RSRC1: variants seen among roughly 807,000 people sequenced by gnomAD.
RSRC1 encodes the protein arginine and serine rich coiled-coil 1, also known as serine/Arginine-related protein 53.
Under a neutral mutation model 49.1 loss-of-function variants are expected in RSRC1, and 39 were observed. That is an observed-to-expected ratio of 0.79 (90% confidence interval 0.61 to 1.04). The LOEUF (loss-of-function observed/expected upper bound fraction) is 1.04. Among genes scored for constraint, RSRC1 ranks in the 50% least tolerant of loss-of-function variants. RSRC1 has a pLI of 0.00. For synonymous variants in RSRC1, 143 were observed against 130.8 expected, an observed-to-expected ratio of 1.09 and a Z score of -0.63; for missense variants, 388 against 402.4, an observed-to-expected ratio of 0.96 and a Z score of 0.31.
rs12630443 is a variant in RSRC1 at position 158,385,809 on chromosome 3, T to C, written c.583+30901T>C. Among the ~76,000 whole-genome samples, 3 of 152,270 alleles carry C rather than the reference T, an allele frequency of 2.0e-5. No individual in the cohort carries two copies. The East Asian group carries it at 5.8e-4, about 29-fold the overall frequency. The stretch of plus-strand genomic sequence containing the variant: ...TTCATTCACGAACACCTGATATCTT[T>C]CCCATAAACAAATTGTGTTTGTCCA... On this transcript the variant is annotated intron_variant, in intron 6 of 9. Coordinates refer to ENST00000611884, the MANE Select transcript of RSRC1 (RefSeq NM_001271838.2).
chr3:158,204,608 A>G (rs1721248719), intron 4 of RSRC1, among the ~76,000 whole-genome samples: 1 of 152,210 alleles, frequency 6.6e-6, no homozygotes, highest in Admixed American at 6.5e-5. Context: ...CAGTAGGATG[A>G]TAAATTCGAA....
At chr3:158,183,820 G>T (rs1348452182) in intron 3 of RSRC1, among the ~76,000 whole-genome samples, 2 of 152,026 alleles carry the variant, frequency 1.3e-5, no homozygotes, top group African/African-American at 4.8e-5. Context: ...GGGGGCTGAT[G>T]GGGGAGGATT....
intron 3 of RSRC1, among the ~76,000 whole-genome samples, chr3:158,164,547 C>G (rs572130214): frequency 2.7e-5 from 4 of 150,696 alleles, no homozygotes; most frequent in African/African-American, 9.7e-5. Flanking sequence ...TGTTTTTTTT[C>G]TTTGTTTAAG....
chr3:158,222,091 ATAG>A (rs1414003935), intron 4 of RSRC1, among the ~76,000 whole-genome samples: 1 of 151,116 alleles, frequency 6.6e-6, no homozygotes, highest in Non-Finnish European at 1.5e-5. Flanking sequence ...ATTGTAAATA[ATAG>A]TAAGAGGGGC....
At position 158,123,957 on chromosome 3, in the gene RSRC1, G is replaced by A; in HGVS notation, c.286G>A (p.Val96Ile). ...RSRGRGKSYRVQRSRSKSRTR... is the reference protein window; with the variant it reads ...RSRGRGKSYRIQRSRSKSRTR... ...AAGGGGTCGAGGGAAATCCTATAGAGTTCAGAGGTCTAGGTCAAAAAGCAG... is the reference window on the plus strand; with the variant it reads ...AAGGGGTCGAGGGAAATCCTATAGAATTCAGAGGTCTAGGTCAAAAAGCAG... Residue 96 changes from valine (V) to isoleucine (I), a missense_variant, in exon 3 of 10, where the codon GTT becomes ATT. Transcript: ENST00000611884. 6.2e-7 allele frequency: 1 copy of A among 1,610,046 alleles called. No homozygotes were observed. Among genetic ancestry groups the A allele is most frequent in the Non-Finnish European group, 8.5e-7 (1 of 1,177,674 alleles).
intron 4 of RSRC1, among the ~76,000 whole-genome samples, chr3:158,291,000 C>T (rs1259890930): frequency 6.6e-6 from 1 of 152,110 alleles, no homozygotes; most frequent in Non-Finnish European, 1.5e-5. Context: ...TCAAGACCAA[C>T]TTGGACAACA....
At chr3:158,430,072 C>CAAAA (rs145414836) in intron 6 of RSRC1, among the ~76,000 whole-genome samples, 2 of 129,872 alleles carry the variant, frequency 1.5e-5, no homozygotes, top group African/African-American at 5.7e-5. Context: ...ACCACACACA[C>CAAAA]AAAAAAAATA....
intron 4 of RSRC1, among the ~76,000 whole-genome samples, chr3:158,242,560 A>G (rs1203320264): frequency 6.6e-6 from 1 of 152,174 alleles, no homozygotes; most frequent in African/African-American, 2.4e-5. Context: ...CTTTGGGTAT[A>G]TACCTAGTAA....
chr3:158,294,662 T>C (rs1727135815), intron 4 of RSRC1, among the ~76,000 whole-genome samples: 1 of 152,070 alleles, frequency 6.6e-6, no homozygotes, highest in African/African-American at 2.4e-5. Context: ...AGTGTTCTAG[T>C]TTAGCCTCAA....
intron 6 of RSRC1, among the ~76,000 whole-genome samples, chr3:158,446,321 TGA>T (rs1736713468): frequency 6.6e-6 from 1 of 151,624 alleles, no homozygotes; most frequent in South Asian, 2.1e-4. Context: ...AGAATTGAAA[TGA>T]GAGAAATTTC....
intron 6 of RSRC1, among the ~76,000 whole-genome samples, chr3:158,416,543 G>A (rs1734745464): frequency 6.6e-6 from 1 of 152,002 alleles, no homozygotes; most frequent in Non-Finnish European, 1.5e-5. Context: ...CCAACTGACA[G>A]CCAACAGCAA....
chr3:158,195,837 G>A lies in RSRC1; in HGVS notation c.321-7235G>A, dbSNP rs563271357. Among the ~76,000 whole-genome samples, 24 of 152,140 alleles carry A rather than the reference G, an allele frequency of 1.6e-4. No homozygotes were observed. In the East Asian group the frequency reaches 4.4e-3, roughly 28 times the overall value. On this transcript the variant is annotated intron_variant, in intron 3 of 9. Coordinates refer to ENST00000611884, the MANE Select transcript of RSRC1 (RefSeq NM_001271838.2). ...ATGTGGCATTATTTCTGAGGGCTCT[G>A]TTCTGTTCCATTGATCTATATCTCT...
intron 4 of RSRC1, among the ~76,000 whole-genome samples, chr3:158,214,527 T>A (rs1208720579): frequency 6.6e-6 from 1 of 151,790 alleles, no homozygotes; most frequent in Non-Finnish European, 1.5e-5. Flanking sequence ...GATTATTGAT[T>A]TGTGATCTTT....
chr3:158,338,773 G>T (rs1345639574), intron 5 of RSRC1, among the ~76,000 whole-genome samples: 3 of 152,160 alleles, frequency 2.0e-5, no homozygotes, highest in Admixed American at 6.5e-5. Context: ...TGTAAGCAGT[G>T]TAGTATTGTT....
At chr3:158,213,622 G>A (rs1392280653) in intron 4 of RSRC1, among the ~76,000 whole-genome samples, 1 of 151,872 alleles carries the variant, frequency 6.6e-6, no homozygotes, top group Non-Finnish European at 1.5e-5. Flanking sequence ...TCCTGCAGGA[G>A]GTTTTGAAAT....
At chr3:158,314,471 G>A (rs1445725491) in intron 5 of RSRC1, among the ~76,000 whole-genome samples, 5 of 151,016 alleles carry the variant, frequency 3.3e-5, no homozygotes, top group Non-Finnish European at 7.4e-5. Context: ...CATGTTAAAT[G>A]AAAATATGCT....
intron 2 of RSRC1, among the ~76,000 whole-genome samples, chr3:158,123,479 G>A (rs1715420502): frequency 6.6e-6 from 1 of 151,952 alleles, no homozygotes; most frequent in African/African-American, 2.4e-5. Flanking sequence ...TTTATTTTTT[G>A]TGGAGACTTG....
At chr3:158,472,494 A>G (rs1738181218) in intron 7 of RSRC1, among the ~76,000 whole-genome samples, 2 of 152,126 alleles carry the variant, frequency 1.3e-5, no homozygotes, top group Non-Finnish European at 2.9e-5. Flanking sequence ...TGCATCTTCA[A>G]CAAAACAAAA....
intron 4 of RSRC1, among the ~76,000 whole-genome samples, chr3:158,229,771 C>T (rs866939064): frequency 4.4e-5 from 4 of 91,712 alleles, no homozygotes; most frequent in Non-Finnish European, 8.9e-5. Context: ...ATCAAATTCT[C>T]TTTGTTTCTC....
Sources: allele counts gnomAD v4.1 joint callset (sites outside exome capture counted in the v4.1 genomes callset), GRCh38; gene constraint gnomAD v4.1.1; transcripts MANE v1.5; gene names NCBI Gene and HGNC (gene_info 2026-07-23, HGNC 2026-07-21).